AGPAT3: variants seen among roughly 807,000 people sequenced by gnomAD.
AGPAT3 encodes the protein 1-acyl-sn-glycerol-3-phosphate acyltransferase gamma.
In AGPAT3, 5 loss-of-function variants were observed where a neutral mutation model predicts 47.3. That is an observed-to-expected ratio of 0.11 (90% CI 0.06 to 0.22). The LOEUF is 0.22. Among genes scored for constraint, AGPAT3 ranks in the 10% least tolerant of loss-of-function variants. The pLI is 1.00. For synonymous variants in AGPAT3, 212 were observed against 208.3 expected (o/e 1.02, Z -0.15); for missense variants, 315 against 493.0 (o/e 0.64, Z 3.42).
rs1490596182 is a variant in AGPAT3 at position 43,934,142 on chromosome 21, G to T, written c.-48-25492G>T. Among the ~76,000 whole-genome samples the T allele has an allele frequency of 6.6e-6, 1 of 152,178 alleles. No individual in the cohort carries two copies. Among genetic ancestry groups the T allele is most frequent in the Non-Finnish European group, 1.5e-5 (1 of 68,016 alleles). On this transcript the variant is annotated intron_variant, in intron 2 of 9. Transcript: ENST00000291572. The surrounding 1 kb of genome is among the most constrained non-coding windows in gnomAD (Gnocchi z 4.7). ...GGATGCTGGAGAACAGGCAGACATG[G>T]GTGCCCGGCACGCCAGCTCCCCGAG...
At chr21:43,940,389 C>T (rs1425498077) in intron 2 of AGPAT3, among the ~76,000 whole-genome samples, 1 of 152,220 alleles carries the variant, frequency 6.6e-6, no homozygotes, top group Non-Finnish European at 1.5e-5. Context: ...ACTGTGTGCT[C>T]CCCTCCTCTT....
At position 43,930,145 on chromosome 21, in the gene AGPAT3, C is replaced by T. The variant is rs1263349668; in HGVS notation, c.-49+26126C>T. Among the ~76,000 whole-genome samples, 1 of 152,200 alleles carries T rather than the reference C, an allele frequency of 6.6e-6. No homozygotes were observed. Among genetic ancestry groups the T allele is most frequent in the East Asian group, 1.9e-4 (1 of 5,192 alleles). Reference sequence around the variant, plus strand: ...TGAAGAAAGTGGGGAATAGAGTTATCAACCGTCACTCCACGGAGAGTCTAA... The same window carrying T: ...TGAAGAAAGTGGGGAATAGAGTTATTAACCGTCACTCCACGGAGAGTCTAA... On this transcript the variant is annotated intron_variant, in intron 2 of 9. Coordinates refer to ENST00000291572, the MANE Select transcript of AGPAT3 (RefSeq NM_020132.5). The surrounding 1 kb of genome is among the most constrained non-coding windows in gnomAD (Gnocchi z 5.0).
At chr21:43,943,019 C>G (rs554569397) in intron 2 of AGPAT3, among the ~76,000 whole-genome samples, 39 of 152,328 alleles carry the variant, frequency 2.6e-4, no homozygotes, top group Non-Finnish European at 4.7e-4. Context: ...GGCCCGCTCC[C>G]CAGGGCTGGG....
At position 43,954,343 on chromosome 21, in the gene AGPAT3, G is replaced by C. The variant is rs941044071; in HGVS notation, c.-48-5291G>C. On this transcript the variant is annotated intron_variant, in intron 2 of 9. Coordinates refer to ENST00000291572, the MANE Select transcript of AGPAT3 (RefSeq NM_020132.5). This position sits in a 1 kb window ranked among gnomAD's most constrained non-coding sequence, Gnocchi z 4.0. The stretch of plus-strand genomic sequence containing the variant: ...GGGAGGTGGAACAGGGTACCTGCGA[G>C]GTCTGTGAGTGAAACTACACTGCTG... Among the ~76,000 whole-genome samples, 2 of 152,208 alleles carry C rather than the reference G, an allele frequency of 1.3e-5. No homozygotes were observed. The highest frequency in any genetic ancestry group is 4.8e-5 in the African/African-American group (2 of 41,444).
intron 3 of AGPAT3, chr21:43,965,800 A>T (rs1398334245): frequency 6.6e-6 from 1 of 151,848 alleles, no homozygotes; most frequent in African/African-American, 2.4e-5. Context: ...TTAAGTAGAG[A>T]TGGGCTTTTG....
At chr21:43,905,155 ATATTTATT>A (rs71334019) in intron 2 of AGPAT3, among the ~76,000 whole-genome samples, 10,835 of 138,370 alleles carry the variant, frequency 0.078, 764 homozygotes, top group African/African-American at 0.17. Flanking sequence ...TTTAAAAAAA[ATATTTATT>A]TATTTATTTA....
intron 2 of AGPAT3, among the ~76,000 whole-genome samples, chr21:43,944,562 G>A (rs1402939287): frequency 6.6e-6 from 1 of 152,240 alleles, no homozygotes; most frequent in Non-Finnish European, 1.5e-5. Context: ...GATTGACAGG[G>A]GAGAAAGACA....
rs1258616793 is a variant in AGPAT3, at chr21:43,930,172, G to T, written c.-49+26153G>T. ...ACCGTCACTCCACGGAGAGTCTAAGGCAGAGAGAAGTTGGGTTCCCCTTCC... is the reference window on the plus strand; with the variant it reads ...ACCGTCACTCCACGGAGAGTCTAAGTCAGAGAGAAGTTGGGTTCCCCTTCC... On this transcript the variant is annotated intron_variant, in intron 2 of 9. Coordinates refer to ENST00000291572, the MANE Select transcript of AGPAT3 (RefSeq NM_020132.5). This position sits in a 1 kb window ranked among gnomAD's most constrained non-coding sequence, Gnocchi z 5.0. 6.6e-6 allele frequency among the ~76,000 whole-genome samples: 1 copy of T among 152,204 alleles called. No individual in the cohort carries two copies. Among genetic ancestry groups the T allele is most frequent in the Non-Finnish European group, 1.5e-5 (1 of 68,034 alleles).
chr21:43,942,508 C>T (rs1569078219), intron 2 of AGPAT3, among the ~76,000 whole-genome samples: 1 of 152,350 alleles, frequency 6.6e-6, no homozygotes, highest in East Asian at 1.9e-4. Context: ...TTCCTGGAGA[C>T]GCCCGCCCCT....
At position 43,879,557 on chromosome 21, in the gene AGPAT3, G is replaced by T. The variant is rs145197900; in HGVS notation, c.-112+14212G>T. On this transcript the variant is annotated intron_variant, in intron 1 of 9. Coordinates refer to ENST00000291572, the MANE Select transcript of AGPAT3 (RefSeq NM_020132.5). ...TGGCCGTGGGCTTGGAGGCTGGGTCGTGGGGGTGTGGCCCAGGCAAGTTTC... is the reference window on the plus strand; with the variant it reads ...TGGCCGTGGGCTTGGAGGCTGGGTCTTGGGGGTGTGGCCCAGGCAAGTTTC... Among the ~76,000 whole-genome samples the T allele has an allele frequency of 3.1e-4, 47 of 152,086 alleles. 2 individuals are homozygous for T. The East Asian group carries it at 8.5e-3, about 28-fold the overall frequency.
chr21:43,929,589 G>A (rs1479083704), intron 2 of AGPAT3, among the ~76,000 whole-genome samples: 10 of 152,250 alleles, frequency 6.6e-5, no homozygotes, highest in Non-Finnish European at 1.0e-4. Context: ...CCCGGTCGCC[G>A]CTGTCCTGGG....
intron 2 of AGPAT3, among the ~76,000 whole-genome samples, chr21:43,912,492 G>C (rs1354207793): frequency 6.6e-6 from 1 of 152,242 alleles, no homozygotes; most frequent in Non-Finnish European, 1.5e-5. Context: ...ATGTCCAAAT[G>C]ATGAAAGCTT....
In AGPAT3 at chr21:43,980,985, C is replaced by T; in HGVS notation, c.844-4C>T. ...GCTTCCTTTTTCTCTGTTGACTCTT[C>T]TAGGACGCGCTCCAGGAGATATATA... On this transcript the variant is annotated splice_polypyrimidine_tract_variant and splice_region_variant and intron_variant, in intron 8 of 9. Coordinates refer to ENST00000291572, the MANE Select transcript of AGPAT3 (RefSeq NM_020132.5). 1 of 1,610,968 alleles carries T rather than the reference C, an allele frequency of 6.2e-7. No homozygotes were observed. The highest frequency in any genetic ancestry group is 1.7e-5 in the Admixed American group (1 of 59,896).
chr21:43,938,987 C>T (rs1025322213), intron 2 of AGPAT3, among the ~76,000 whole-genome samples: 2 of 152,188 alleles, frequency 1.3e-5, no homozygotes, highest in Middle Eastern at 3.2e-3. Flanking sequence ...AAAGGCTGAG[C>T]ATGTCAGGAC....
intron 1 of AGPAT3, among the ~76,000 whole-genome samples, chr21:43,887,747 C>T (rs756232442): frequency 6.6e-6 from 1 of 152,246 alleles, no homozygotes; most frequent in Non-Finnish European, 1.5e-5. Context: ...CTCCACCTCT[C>T]AGACTCAAGT....
chr21:43,873,665 A>C (rs991936645), intron 1 of AGPAT3, among the ~76,000 whole-genome samples: 1 of 152,240 alleles, frequency 6.6e-6, no homozygotes, highest in Non-Finnish European at 1.5e-5. Flanking sequence ...GGCGTGAGCC[A>C]CTGCGCCCAG....
At chr21:43,972,158 T>TC (rs2089426322) in intron 7 of AGPAT3, among the ~76,000 whole-genome samples, 1 of 151,502 alleles carries the variant, frequency 6.6e-6, no homozygotes, top group Admixed American at 6.6e-5. Flanking sequence ...TTTTTTTTTT[T>TC]CTTGGAGACG....
intron 1 of AGPAT3, among the ~76,000 whole-genome samples, chr21:43,871,198 C>G (rs1415181071): frequency 6.6e-6 from 1 of 152,158 alleles, no homozygotes; most frequent in Non-Finnish European, 1.5e-5. Flanking sequence ...CACGCATTTC[C>G]AAAATGCAGG....
At chr21:43,918,028 T>C (rs1430745741) in intron 2 of AGPAT3, among the ~76,000 whole-genome samples, 1 of 112,622 alleles carries the variant, frequency 8.9e-6, no homozygotes, top group Non-Finnish European at 1.8e-5. Context: ...GTTGGTGTTG[T>C]AGGGGTTGTT....
Sources: gnomAD v4.1 joint callset for allele counts (sites outside exome capture counted in the v4.1 genomes callset) on GRCh38, gnomAD v4.1.1 for gene constraint, Gnocchi (gnomAD v3.1) non-coding constraint, MANE v1.5 for transcripts, NCBI Gene and HGNC (gene_info 2026-07-23, HGNC 2026-07-21) for gene names.